The following CRYM variants were observed in gnomAD, a reference collection of about 807,000 sequenced individuals.
CRYM encodes crystallin mu.
Under a neutral mutation model 32.9 loss-of-function variants are expected in CRYM, and 18 were observed. The ratio of observed to expected loss-of-function variants is 0.55; its 90% CI spans 0.38 to 0.81. The LOEUF (loss-of-function observed/expected upper bound fraction) is 0.81. Ranked by LOEUF, CRYM falls within the 30% of genes least tolerant of loss-of-function variation. The probability of loss-of-function intolerance (pLI) is 0.00; values close to 1 mark genes in which losing one functional copy is unlikely to be tolerated. For synonymous variants in CRYM, 153 were observed against 152.4 expected (o/e 1.00, Z -0.03); for missense variants, 337 against 393.5 (o/e 0.86, Z 1.21).
upstream of CRYM, among the ~76,000 whole-genome samples, chr16:21,281,028 C>CA (rs1417383133): frequency 6.6e-6 from 1 of 151,818 alleles, no homozygotes; most frequent in Non-Finnish European, 1.5e-5. Flanking sequence ...TTGCTTGAAC[C>CA]AGGGAGGTGG....
intron 6 of CRYM, chr16:21,261,662 T>C: frequency 4.2e-6 from 2 of 478,006 alleles, no homozygotes; most frequent in Non-Finnish European, 7.6e-6. Context: ...AGCTCCCTTC[T>C]TGTTTTATGC....
At chr16:21,278,652 A>G (rs2093392613), upstream of CRYM, 2 of 255,710 alleles carry the variant, frequency 7.8e-6, no homozygotes, top group South Asian at 1.0e-4. Flanking sequence ...TGGACAGGGA[A>G]AACGCTAACG....
chr16:21,272,263 T>C (rs2093377138), intron 3 of CRYM, among the ~76,000 whole-genome samples: 1 of 152,334 alleles, frequency 6.6e-6, no homozygotes, highest in East Asian at 1.9e-4. Flanking sequence ...TATATGAATC[T>C]GCTGGGTTTC....
chr16:21,273,375 T>G (rs1597619331), intron 3 of CRYM, among the ~76,000 whole-genome samples: 1 of 152,232 alleles, frequency 6.6e-6, no homozygotes, highest in African/African-American at 2.4e-5. Flanking sequence ...GAAATAAAGC[T>G]GTGAAGTTTC....
chr16:21,279,080 C>T (rs1243358718), upstream of CRYM: 1 of 152,106 alleles, frequency 6.6e-6, no homozygotes, highest in East Asian at 1.9e-4. Context: ...TGATTTTGAC[C>T]TGGAGTGGTT....
At chr16:21,297,356 G>A (rs914748087) in intron 1 of CRYM, among the ~76,000 whole-genome samples, 1 of 151,514 alleles carries the variant, frequency 6.6e-6, no homozygotes, top group Non-Finnish European at 1.5e-5. Context: ...TCTCACCATC[G>A]CACTCCAGCC....
chr16:21,280,876 G>A (rs1370954204), upstream of CRYM, among the ~76,000 whole-genome samples: 12 of 152,110 alleles, frequency 7.9e-5, no homozygotes, highest in Non-Finnish European at 1.2e-4. Context: ...AGGCCAAGGC[G>A]GGCGGATCAT....
At position 21,278,160 on chromosome 16, in the gene CRYM, A is replaced by C; in HGVS notation, c.92T>G (p.Leu31Arg). 6.4e-7 allele frequency: 1 copy of C among 1,553,872 alleles called. No individual in the cohort carries two copies. The highest frequency in any genetic ancestry group is 2.4e-5 in the East Asian group (1 of 41,086). The change falls in exon 1 of 8, where the codon CTG becomes CGG. Residue 31 changes from leucine to arginine, a missense_variant. Transcript: ENST00000572914. ...TTCGGGACCGCTGGAGAAGTTGGCCAGGGCCGTCTCTAGAGGCGGGATGAG... is the reference window on the plus strand; with the variant it reads ...TTCGGGACCGCTGGAGAAGTTGGCCCGGGCCGTCTCTAGAGGCGGGATGAG... ...SLLIPPLETALANFSSGPEGG... is the reference protein window; with the variant it reads ...SLLIPPLETARANFSSGPEGG...
chr16:21,282,448 A>G (rs536277517), upstream of CRYM, among the ~76,000 whole-genome samples: 3 of 152,182 alleles, frequency 2.0e-5, no homozygotes, highest in South Asian at 4.2e-4. Context: ...TTTTAAAGTT[A>G]ACAAGGAGAA....
chr16:21,278,560 T>C (rs2093392437), upstream of CRYM: 4 of 483,978 alleles, frequency 8.3e-6, no homozygotes, highest in Non-Finnish European at 1.5e-5. Flanking sequence ...GTAGCCACAT[T>C]CCTTGACTTT....
chr16:21,266,621 G>T (rs142907259), intron 5 of CRYM, among the ~76,000 whole-genome samples: 8 of 152,272 alleles, frequency 5.3e-5, no homozygotes, highest in Middle Eastern at 3.4e-3. Flanking sequence ...AATTCTTAGT[G>T]TTAAGAAAAA....
At chr16:21,287,453 T>TA (rs955984819) in intron 1 of CRYM, among the ~76,000 whole-genome samples, 9 of 152,206 alleles carry the variant, frequency 5.9e-5, no homozygotes, top group Non-Finnish European at 1.2e-4. Flanking sequence ...AACTTGACCA[T>TA]ACGTGAGTTT....
Position 21,267,601 on chromosome 16 carries a change from T to G in CRYM, c.626A>C (p.Glu209Ala). 6.2e-7 allele frequency: 1 copy of G among 1,614,156 alleles called. No individual in the cohort carries two copies. Among genetic ancestry groups the G allele is most frequent in the Middle Eastern group, 1.7e-4 (1 of 6,054 alleles). Residue 209 changes from glutamate (E) to alanine (A), a missense_variant, in exon 5 of 8, where the codon GAG becomes GCG. Transcript: ENST00000572914. ...CACCCATTCACCAAACAAAATGGGC[T>G]CTGTTGCCAGGGTGACTGTGATGAT... ...DVIITVTLAT[E>A]PILFGEWVKP...
At chr16:21,265,274 C>T (rs371275658) in intron 5 of CRYM, among the ~76,000 whole-genome samples, 8 of 152,172 alleles carry the variant, frequency 5.3e-5, no homozygotes, top group East Asian at 1.9e-4. Context: ...TCCTCAAACA[C>T]GCCATGTTCG....
chr16:21,302,083 C>CCACA (rs1191075242), intron 1 of CRYM, among the ~76,000 whole-genome samples: 3 of 152,078 alleles, frequency 2.0e-5, no homozygotes, highest in African/African-American at 7.2e-5. Flanking sequence ...ACACACACAC[C>CCACA]CACACACACA....
chr16:21,285,029 A>T (rs1445044344), intron 1 of CRYM, among the ~76,000 whole-genome samples: 1 of 152,138 alleles, frequency 6.6e-6, no homozygotes, highest in Non-Finnish European at 1.5e-5. Context: ...GACTGGTGAT[A>T]TTGAGCATTT....
At chr16:21,287,903 G>A (rs1171227269) in intron 1 of CRYM, among the ~76,000 whole-genome samples, 1 of 152,216 alleles carries the variant, frequency 6.6e-6, no homozygotes, top group East Asian at 1.9e-4. Flanking sequence ...AATTGTGGGA[G>A]TCCTAACATT....
intron 1 of CRYM, among the ~76,000 whole-genome samples, chr16:21,293,351 C>T (rs1218867402): frequency 6.6e-6 from 1 of 152,142 alleles, no homozygotes; most frequent in Non-Finnish European, 1.5e-5. Flanking sequence ...CTGAGTGCTA[C>T]AGGAGACAGT....
upstream of CRYM, chr16:21,278,482 T>A: frequency 1.7e-6 from 1 of 599,356 alleles, no homozygotes; most frequent in Non-Finnish European, 3.0e-6. Flanking sequence ...TTCCCCAAGA[T>A]GGACATCGCG....
Sources: gnomAD v4.1 joint callset for allele counts (sites outside exome capture counted in the v4.1 genomes callset) on GRCh38, gnomAD v4.1.1 for gene constraint, MANE v1.5 for transcripts, NCBI Gene and HGNC (gene_info 2026-07-23, HGNC 2026-07-21) for gene names.